ATAD2B: variants seen among roughly 807,000 people sequenced by gnomAD.
ATAD2B encodes ATPase family AAA domain containing 2B.
Under a neutral mutation model 167.6 loss-of-function variants are expected in ATAD2B, and 40 were observed. The observed-to-expected ratio is 0.24, with a 90% CI of 0.19 to 0.31. ATAD2B has a LOEUF of 0.31. Among genes scored for constraint, ATAD2B ranks in the 10% least tolerant of loss-of-function variants. The pLI, the probability that ATAD2B is intolerant of heterozygous loss-of-function variation, is 1.00. For missense variants in ATAD2B, 1,242 were observed against 1,757.2 expected, an observed-to-expected ratio of 0.71 and a Z score of 5.24; for synonymous variants, 579 against 596.5, an observed-to-expected ratio of 0.97 and a Z score of 0.43.
At chr2:23,682,764 G>A in the ATAD2B span, among the ~76,000 whole-genome samples, 5 of 151,650 alleles carry the variant, frequency 3.3e-5, no homozygotes, top group African/African-American at 7.3e-5. This position sits in a 1 kb window ranked among gnomAD's most constrained non-coding sequence, Gnocchi z 4.1. Context: ...CCCTTGCTCC[G>A]GGTCTGAGCT....
Position 23,882,419 on chromosome 2 carries a change from C to T in ATAD2B, c.785-1664G>A, listed in dbSNP as rs568360295. 8.8e-4 allele frequency among the ~76,000 whole-genome samples: 132 copies of T among 149,428 alleles called. 1 individual carries two copies. Among genetic ancestry groups the T allele is most frequent in the African/African-American group, 2.9e-3 (118 of 40,594 alleles). On this transcript the variant is annotated intron_variant, in intron 6 of 27. Coordinates refer to ENST00000238789, the MANE Select transcript of ATAD2B (RefSeq NM_017552.4). Reference sequence around the variant, plus strand: ...CTATGTTGGCCAGCCTGGCCTCAAACGCCTGATCTCAAGTGATCCACCCGC... The same window carrying T: ...CTATGTTGGCCAGCCTGGCCTCAAATGCCTGATCTCAAGTGATCCACCCGC...
intron 18 of ATAD2B, among the ~76,000 whole-genome samples, chr2:23,800,578 CTG>C (rs1051010440): frequency 2.0e-5 from 3 of 150,854 alleles, no homozygotes; most frequent in Admixed American, 2.0e-4. Context: ...TTGTTTTTTT[CTG>C]TTTCTTTTTT....
chr2:23,853,497 T>C (rs948761386), intron 13 of ATAD2B, among the ~76,000 whole-genome samples: 1 of 152,138 alleles, frequency 6.6e-6, no homozygotes, highest in Non-Finnish European at 1.5e-5. Context: ...TAGGGATGCA[T>C]TAAACAAAAG....
intron 1 of ATAD2B, among the ~76,000 whole-genome samples, chr2:23,905,633 G>C (rs1701378888): frequency 6.6e-6 from 1 of 152,184 alleles, no homozygotes; most frequent in African/African-American, 2.4e-5. Context: ...TTTACCTCAT[G>C]AGATTGTTAG....
chr2:23,799,602 T>C (rs1683168045), intron 18 of ATAD2B, among the ~76,000 whole-genome samples: 1 of 148,910 alleles, frequency 6.7e-6, no homozygotes, highest in Non-Finnish European at 1.5e-5. Flanking sequence ...AAAGAAAAAT[T>C]TAATATTTAA....
At chr2:23,752,197 T>C in intron 27 of ATAD2B, 110 bp from the exon 28 acceptor site, 1 of 775,024 alleles carries the variant, frequency 1.3e-6, no homozygotes, top group Non-Finnish European at 2.2e-6. Flanking sequence ...AGATACAGGT[T>C]AAACTTTGAA....
intron 2 of ATAD2B, among the ~76,000 whole-genome samples, chr2:23,890,323 G>T (rs911254715): frequency 1.3e-5 from 2 of 151,544 alleles, no homozygotes; most frequent in Non-Finnish European, 2.9e-5. Context: ...TAGCCCCCCC[G>T]CCTTTCCTCT....
At chr2:23,755,605 G>A (rs985138513) in intron 25 of ATAD2B, among the ~76,000 whole-genome samples, 5 of 152,176 alleles carry the variant, frequency 3.3e-5, no homozygotes, top group East Asian at 3.9e-4. Context: ...TACAGGATGT[G>A]GCCCATGTCA....
intron 1 of ATAD2B, chr2:23,901,231 A>G (rs187977604): frequency 6.6e-6 from 1 of 152,546 alleles, no homozygotes; most frequent in African/African-American, 2.4e-5. Context: ...ATGTATTTTA[A>G]GCTAGAGTGT....
the ATAD2B span, chr2:23,697,851 G>T: frequency 6.6e-6 from 1 of 152,218 alleles, no homozygotes; most frequent in Non-Finnish European, 1.5e-5. Context: ...CATTCTGGAA[G>T]CATCGGCTTC....
chr2:23,857,169 A>C (rs1465373872), intron 13 of ATAD2B, among the ~76,000 whole-genome samples: 2 of 152,250 alleles, frequency 1.3e-5, no homozygotes, highest in African/African-American at 4.8e-5. Context: ...AACCACATGC[A>C]ATGCTTAAGG....
intron 13 of ATAD2B, 70 bp from the exon 14 acceptor site, chr2:23,834,148 CTTTCTTTTTTTT>C (rs1474349565): frequency 6.1e-5 from 7 of 114,300 alleles, no homozygotes; most frequent in African/African-American, 2.8e-4. Context: ...GTTTATCAGT[CTTTCTTTTTTTT>C]TTTTTTTTTT....
At chr2:23,874,707 A>C (rs1054567408) in intron 8 of ATAD2B, among the ~76,000 whole-genome samples, 1 of 151,952 alleles carries the variant, frequency 6.6e-6, no homozygotes, top group Non-Finnish European at 1.5e-5. Context: ...AAAAAAAAAT[A>C]AACTTTTAAA....
chr2:23,760,387 A>G (rs1212369562), intron 24 of ATAD2B, among the ~76,000 whole-genome samples: 2 of 152,086 alleles, frequency 1.3e-5, no homozygotes, highest in Non-Finnish European at 2.9e-5. Flanking sequence ...CCAGCTAGGC[A>G]TGGTGGCTCA....
intron 12 of ATAD2B, among the ~76,000 whole-genome samples, chr2:23,863,018 A>G (rs186214126): frequency 6.6e-6 from 1 of 152,352 alleles, no homozygotes; most frequent in East Asian, 1.9e-4. Context: ...ATGCTTCCTC[A>G]TAAACAGTTT....
At chr2:23,786,597 T>C (rs1385945727) in intron 20 of ATAD2B, among the ~76,000 whole-genome samples, 2 of 152,110 alleles carry the variant, frequency 1.3e-5, no homozygotes, top group African/African-American at 4.8e-5. Context: ...TATACTTTTA[T>C]GAGGCCACCA....
intron 1 of ATAD2B, among the ~76,000 whole-genome samples, chr2:23,924,044 G>A (rs1453495650): frequency 6.6e-6 from 1 of 152,070 alleles, no homozygotes. Flanking sequence ...TTAGCCGGGC[G>A]TGGTGGCGGG....
chr2:23,860,549 TTA>T (rs1694187178), intron 12 of ATAD2B, among the ~76,000 whole-genome samples: 1 of 152,212 alleles, frequency 6.6e-6, no homozygotes. Context: ...TTTATGTAGC[TTA>T]TGTTTCAAAA....
intron 13 of ATAD2B, among the ~76,000 whole-genome samples, chr2:23,840,109 ACAATTTGTTT>A (rs1244069607): frequency 6.6e-6 from 1 of 152,192 alleles, no homozygotes; most frequent in African/African-American, 2.4e-5. Flanking sequence ...TAGATATGCC[ACAATTTGTTT>A]ATCCATTCAC....
Sources: gnomAD v4.1 joint callset for allele counts (sites outside exome capture counted in the v4.1 genomes callset) on GRCh38, gnomAD v4.1.1 for gene constraint, Gnocchi (gnomAD v3.1) non-coding constraint, MANE v1.5 for transcripts, NCBI Gene and HGNC (gene_info 2026-07-23, HGNC 2026-07-21) for gene names.